Variants in PRKCE observed in about 807,000 individuals in gnomAD.
PRKCE encodes the protein protein kinase C epsilon, also known as protein kinase C epsilon type.
In PRKCE, 16 loss-of-function variants were observed where a neutral mutation model predicts 85.4. That is an observed-to-expected ratio of 0.19 (90% CI 0.13 to 0.28). The LOEUF (loss-of-function observed/expected upper bound fraction) is 0.28. Ranked by LOEUF, PRKCE falls within the 10% of genes least tolerant of loss-of-function variation. The pLI is 1.00. For synonymous variants in PRKCE, 388 were observed against 371.5 expected (o/e 1.04, Z -0.51); for missense variants, 573 against 975.2 (o/e 0.59, Z 5.49).
At chr2:46,176,108 C>G (rs2104690158) in intron 14 of PRKCE, among the ~76,000 whole-genome samples, 1 of 152,224 alleles carries the variant, frequency 6.6e-6, no homozygotes, top group South Asian at 2.1e-4. Context: ...AAAAAGCAGA[C>G]CTGTTATTTT....
chr2:45,787,622 A>C (rs1343468900), intron 1 of PRKCE, among the ~76,000 whole-genome samples: 1 of 152,144 alleles, frequency 6.6e-6, no homozygotes, highest in Non-Finnish European at 1.5e-5. Context: ...GGGGTATCCC[A>C]TTTTCTCTTT....
At chr2:45,949,007 A>G (rs1451663505) in intron 2 of PRKCE, among the ~76,000 whole-genome samples, 1 of 152,228 alleles carries the variant, frequency 6.6e-6, no homozygotes, top group Non-Finnish European at 1.5e-5. Context: ...TTCATTTGTT[A>G]GCAGACATTT....
At chr2:45,991,334 A>G (rs1443125659) in intron 6 of PRKCE, among the ~76,000 whole-genome samples, 3 of 151,882 alleles carry the variant, frequency 2.0e-5, no homozygotes, top group Non-Finnish European at 2.9e-5. Context: ...GTCTCTCCCA[A>G]TCCAAATACA....
At chr2:45,957,816 G>T (rs753128911) in intron 2 of PRKCE, among the ~76,000 whole-genome samples, 13 of 152,110 alleles carry the variant, frequency 8.5e-5, no homozygotes, top group Non-Finnish European at 1.6e-4. Context: ...GGAGGTTGAG[G>T]TGGAATGATA....
intron 2 of PRKCE, among the ~76,000 whole-genome samples, chr2:45,966,735 G>C (rs1051765333): frequency 2.6e-5 from 4 of 152,100 alleles, no homozygotes; most frequent in Admixed American, 1.3e-4. Context: ...CGGTCCTAAA[G>C]CCTTGTGGGA....
At chr2:46,109,073 A>G (rs1477430591) in intron 11 of PRKCE, among the ~76,000 whole-genome samples, 3 of 152,098 alleles carry the variant, frequency 2.0e-5, no homozygotes, top group East Asian at 3.9e-4. Context: ...TATTTCCCCA[A>G]TACCATGCTG....
At chr2:45,779,618 AAG>A (rs1459433181) in intron 1 of PRKCE, among the ~76,000 whole-genome samples, 2 of 151,826 alleles carry the variant, frequency 1.3e-5, no homozygotes, top group African/African-American at 2.4e-5. Context: ...AAAAAAAAAA[AAG>A]AGAAAATCTC....
intron 10 of PRKCE, among the ~76,000 whole-genome samples, chr2:46,052,714 G>T (rs1708931925): frequency 6.6e-6 from 1 of 152,190 alleles, no homozygotes; most frequent in South Asian, 2.1e-4. Flanking sequence ...CCTTGAAAAA[G>T]AACACAGTTG....
Position 46,184,776 on chromosome 2 carries a change from C to T in PRKCE, c.2109C>T (p.Thr703=), listed in dbSNP as rs1680332837. 2 of 1,599,648 alleles carry T rather than the reference C, an allele frequency of 1.3e-6. No individual in the cohort carries two copies. Among genetic ancestry groups the T allele is most frequent in the Non-Finnish European group, 1.7e-6 (2 of 1,179,968 alleles). ...TCAATAATTTTGACCAAGACTTTAC[C>T]CGGGAAGAGCCGGTACTCACCCTTG... ...RDVNNFDQDF[T]REEPVLTLVD... The change falls in exon 15 of 15, where the codon ACC becomes ACT. Residue 703 remains threonine, a synonymous_variant. Coordinates refer to ENST00000306156, the MANE Select transcript of PRKCE (RefSeq NM_005400.3). This position sits in a 1 kb window ranked among gnomAD's most constrained non-coding sequence, Gnocchi z 5.0.
chr2:45,998,540 G>A (rs141059552), intron 6 of PRKCE, among the ~76,000 whole-genome samples: 8 of 152,214 alleles, frequency 5.3e-5, no homozygotes, highest in African/African-American at 1.9e-4. Context: ...ATCTGTATGT[G>A]TCTTTAAGGT....
intron 10 of PRKCE, among the ~76,000 whole-genome samples, chr2:46,049,999 G>C (rs1708755940): frequency 6.6e-6 from 1 of 151,598 alleles, no homozygotes; most frequent in Admixed American, 6.6e-5. Flanking sequence ...GTAAAAGCTG[G>C]GCCCACCGAC....
intron 10 of PRKCE, among the ~76,000 whole-genome samples, chr2:46,045,140 G>C (rs1390470331): frequency 2.6e-5 from 4 of 152,212 alleles, no homozygotes; most frequent in Non-Finnish European, 5.9e-5. Flanking sequence ...GAGTAGGGTA[G>C]ACAACCTAGG....
At chr2:45,741,625 G>A (rs73926046) in intron 1 of PRKCE, among the ~76,000 whole-genome samples, 5,480 of 152,296 alleles carry the variant, frequency 0.036, 325 homozygotes, top group African/African-American at 0.13. Flanking sequence ...AGATGGGCAT[G>A]TGCACGTTTT....
In PRKCE at chr2:45,984,543, C is replaced by A; in HGVS notation, c.694-8C>A. On this transcript the variant is annotated splice_region_variant and splice_polypyrimidine_tract_variant and intron_variant, in intron 5 of 14. Coordinates refer to ENST00000306156, the MANE Select transcript of PRKCE (RefSeq NM_005400.3). ...CGGTGGTGAACCTGTATCTTGCCAT[C>A]CCTGCAGGTGGGCTCCCAGCGGTTC... 2 of 1,599,220 alleles carry A rather than the reference C, an allele frequency of 1.3e-6. No homozygotes were observed. Among genetic ancestry groups the A allele is most frequent in the Non-Finnish European group, 1.7e-6 (2 of 1,179,600 alleles).
At chr2:46,037,908 G>A (rs778132618) in intron 10 of PRKCE, among the ~76,000 whole-genome samples, 21 of 152,170 alleles carry the variant, frequency 1.4e-4, no homozygotes, top group Non-Finnish European at 2.8e-4. Flanking sequence ...GCAAATGACT[G>A]AAACTCCTTG....
intron 11 of PRKCE, among the ~76,000 whole-genome samples, chr2:46,136,376 T>G (rs901877786): frequency 6.6e-6 from 1 of 152,216 alleles, no homozygotes; most frequent in South Asian, 2.1e-4. Flanking sequence ...GAAGGAGAGT[T>G]TTCTGGCTGT....
intron 1 of PRKCE, among the ~76,000 whole-genome samples, chr2:45,802,266 C>T (rs553610736): frequency 6.6e-6 from 1 of 152,122 alleles, no homozygotes; most frequent in South Asian, 2.1e-4. Context: ...TTCCTTCATA[C>T]ATGAGTAAAT....
chr2:45,723,990 T>C (rs1009361349), intron 1 of PRKCE, among the ~76,000 whole-genome samples: 5 of 152,226 alleles, frequency 3.3e-5, no homozygotes, highest in African/African-American at 1.2e-4. Context: ...AGCTCTCATT[T>C]TGAGCAGCTA....
chr2:45,826,488 C>T (rs1573510337), intron 1 of PRKCE, among the ~76,000 whole-genome samples: 2 of 152,322 alleles, frequency 1.3e-5, no homozygotes, highest in South Asian at 4.1e-4. Flanking sequence ...ACCCAAACTT[C>T]AATAAAACTT....
Sources: gnomAD v4.1 joint callset for allele counts (sites outside exome capture counted in the v4.1 genomes callset) on GRCh38, gnomAD v4.1.1 for gene constraint, Gnocchi (gnomAD v3.1) non-coding constraint, MANE v1.5 for transcripts, NCBI Gene and HGNC (gene_info 2026-07-23, HGNC 2026-07-21) for gene names.